MYO5B: variants seen among roughly 807,000 people sequenced by gnomAD.
MYO5B encodes unconventional myosin-Vb.
Under a neutral mutation model 229.3 loss-of-function variants are expected in MYO5B, and 143 were observed. The ratio of observed to expected loss-of-function variants is 0.62; its 90% CI spans 0.54 to 0.72. The LOEUF (loss-of-function observed/expected upper bound fraction) is 0.72. MYO5B is among the 30% of genes least tolerant of loss of function. The probability of loss-of-function intolerance (pLI) is 0.00; values close to 1 mark genes in which losing one functional copy is unlikely to be tolerated. For synonymous variants in MYO5B, 918 were observed against 885.2 expected, an observed-to-expected ratio of 1.04 and a Z score of -0.66; for missense variants, 2,321 against 2,331.0, an observed-to-expected ratio of 1.00 and a Z score of 0.09.
intron 1 of MYO5B, among the ~76,000 whole-genome samples, chr18:50,169,122 T>C (rs1244115564): frequency 8.1e-6 from 1 of 123,568 alleles, no homozygotes; most frequent in Non-Finnish European, 1.7e-5. Context: ...CTGGGCAGCA[T>C]AGGGAGGCCC....
At chr18:50,082,449 T>G (rs1324943167) in intron 1 of MYO5B, among the ~76,000 whole-genome samples, 2 of 152,230 alleles carry the variant, frequency 1.3e-5, no homozygotes, top group Non-Finnish European at 2.9e-5. Context: ...TCCATGTTAT[T>G]AGGAGCTATC....
intron 20 of MYO5B, among the ~76,000 whole-genome samples, chr18:49,904,181 T>C (rs1170126820): frequency 6.6e-6 from 1 of 152,222 alleles, no homozygotes; most frequent in East Asian, 1.9e-4. Context: ...ACAGGAGATG[T>C]TTGAGTCATA....
rs556141097 is a variant in MYO5B at position 49,895,105 on chromosome 18, G to A, written c.2881C>T (p.Arg961Trp). Reference protein sequence around the residue: ...TTSTYTMEVERLKKELVHYQQ... With the variant: ...TTSTYTMEVEWLKKELVHYQQ... The stretch of plus-strand genomic sequence containing the variant: ...TAGTGCACCAGCTCCTTCTTCAGCC[G>A]CTCTACCTCCATGGTGTATGTTGAG... The change falls in exon 22 of 40, where the codon CGG becomes TGG. Residue 961 changes from arginine to tryptophan, a missense_variant. This residue lies in a region of MYO5B where 2,113 missense variants were observed against 2,044.7 expected (regional missense o/e 1.03). Coordinates refer to ENST00000285039, the MANE Select transcript of MYO5B (RefSeq NM_001080467.3). 93 of 1,614,154 alleles carry A rather than the reference G, an allele frequency of 5.8e-5. No individual in the cohort carries two copies. In the East Asian group the frequency reaches 7.6e-4, roughly 13 times the overall value.
chr18:49,842,462 G>C (rs1237645430), intron 34 of MYO5B, among the ~76,000 whole-genome samples: 1 of 152,250 alleles, frequency 6.6e-6, no homozygotes, highest in Non-Finnish European at 1.5e-5. Flanking sequence ...GAGCTTTTGA[G>C]AATGGCTTGT....
intron 27 of MYO5B, 29 bp downstream of exon 27, chr18:49,872,138 C>T: frequency 6.2e-7 from 1 of 1,610,878 alleles, no homozygotes; most frequent in Non-Finnish European, 8.5e-7. Flanking sequence ...GGGGAGTGTT[C>T]CAGGAAGCCT....
intron 24 of MYO5B, among the ~76,000 whole-genome samples, 191 bp downstream of exon 24, chr18:49,878,754 A>C (rs2024554036): frequency 6.6e-6 from 1 of 152,208 alleles, no homozygotes; most frequent in Admixed American, 6.5e-5. Flanking sequence ...CAAAGTTGGA[A>C]AAGGAGCTGT....
intron 1 of MYO5B, among the ~76,000 whole-genome samples, chr18:50,173,762 G>C (rs572875654): frequency 6.6e-6 from 1 of 152,258 alleles, no homozygotes; most frequent in African/African-American, 2.4e-5. Context: ...AACAGGAATA[G>C]CAACATACAA....
In MYO5B at chr18:49,872,205, A is replaced by G; in HGVS notation, c.3565T>C (p.Leu1189=). ...QAEPPQTDID[L]DPNADLAYNS... ...TAGGCCAGATCTGCATTCGGGTCCA[A>G]ATCTATGTCAGTCTGTGGTGGTTCC... The change falls in exon 27 of 40, where the codon TTG becomes CTG. Residue 1189 remains leucine, a synonymous_variant. Transcript: ENST00000285039. 6.2e-7 allele frequency: 1 copy of G among 1,614,106 alleles called. No individual in the cohort carries two copies. Among genetic ancestry groups the G allele is most frequent in the Non-Finnish European group, 8.5e-7 (1 of 1,179,990 alleles).
intron 10 of MYO5B, among the ~76,000 whole-genome samples, chr18:49,972,121 T>C (rs552310213): frequency 2.0e-5 from 3 of 152,264 alleles, no homozygotes; most frequent in Admixed American, 6.5e-5. Flanking sequence ...GAGCTGGCAC[T>C]AGGAACAGGA....
At chr18:49,931,264 C>G (rs149178281) in intron 16 of MYO5B, among the ~76,000 whole-genome samples, 1 of 152,198 alleles carries the variant, frequency 6.6e-6, no homozygotes, top group Non-Finnish European at 1.5e-5. Flanking sequence ...CCAGGCAACA[C>G]TCCACGTTGC....
At chr18:49,952,698 G>A (rs2025442741) in intron 14 of MYO5B, among the ~76,000 whole-genome samples, 1 of 152,012 alleles carries the variant, frequency 6.6e-6, no homozygotes, top group Non-Finnish European at 1.5e-5. Flanking sequence ...TCCTATGCTT[G>A]GAAATAAATG....
intron 39 of MYO5B, among the ~76,000 whole-genome samples, chr18:49,832,282 G>C (rs975093002): frequency 6.6e-6 from 1 of 152,184 alleles, no homozygotes; most frequent in Non-Finnish European, 1.5e-5. Flanking sequence ...CAGGTGTAAA[G>C]AACACAGAGT....
At chr18:49,924,196 C>G (rs1370543545) in intron 17 of MYO5B, among the ~76,000 whole-genome samples, 1 of 152,140 alleles carries the variant, frequency 6.6e-6, no homozygotes, top group Non-Finnish European at 1.5e-5. Flanking sequence ...CCAGAAAGTT[C>G]TGAGATAGAC....
rs1214513414 is a variant in MYO5B at position 49,826,180 on chromosome 18, C to G, written c.*291G>C. 6 of 396,036 alleles carry G rather than the reference C, an allele frequency of 1.5e-5. No homozygotes were observed. The East Asian group carries it at 2.7e-4, about 18-fold the overall frequency. The allele number at this position is 396,036 out of a possible 1,614,324, so 24.5% of individuals were successfully genotyped here. A position where few individuals can be genotyped will look rare whatever the true frequency, so the allele number is the denominator to read the frequency against. On this transcript the variant is annotated 3_prime_UTR_variant, in exon 40 of 40. Coordinates refer to ENST00000285039, the MANE Select transcript of MYO5B (RefSeq NM_001080467.3). The stretch of plus-strand genomic sequence containing the variant: ...GCAGCTTCGTTTTATAGAATTGACA[C>G]CTTTTATATGTCTATGGGGACTGCT...
chr18:50,122,596 GA>G (rs2032079605), intron 1 of MYO5B, among the ~76,000 whole-genome samples: 1 of 74,004 alleles, frequency 1.4e-5, no homozygotes, highest in African/African-American at 4.4e-5. Flanking sequence ...AAGAGAGGGG[GA>G]GAGAGAGAGA....
intron 15 of MYO5B, among the ~76,000 whole-genome samples, chr18:49,936,949 G>C (rs1309902985): frequency 6.6e-6 from 1 of 152,082 alleles, no homozygotes; most frequent in African/African-American, 2.4e-5. Flanking sequence ...ATAAATTCCA[G>C]GCCCTCTTGC....
intron 1 of MYO5B, among the ~76,000 whole-genome samples, chr18:50,153,271 G>T (rs891930496): frequency 6.6e-6 from 1 of 152,164 alleles, no homozygotes; most frequent in African/African-American, 2.4e-5. Flanking sequence ...AAAGGCATAA[G>T]ACTTCAGTGC....
chr18:50,006,593 C>A (rs958366023), intron 4 of MYO5B, among the ~76,000 whole-genome samples: 5 of 152,152 alleles, frequency 3.3e-5, no homozygotes, highest in Admixed American at 3.3e-4. Flanking sequence ...TTCACACTGG[C>A]CCCCCCTTCT....
At chr18:50,150,006 T>C (rs1446289328) in intron 1 of MYO5B, among the ~76,000 whole-genome samples, 2 of 148,344 alleles carry the variant, frequency 1.3e-5, no homozygotes, top group African/African-American at 2.5e-5. Flanking sequence ...AACAACCCCA[T>C]CAAAAAGTGG....
Sources: gnomAD v4.1 joint callset for allele counts (sites outside exome capture counted in the v4.1 genomes callset) on GRCh38, gnomAD v4.1.1 for gene constraint, gnomAD v4.1.1 regional missense constraint, MANE v1.5 for transcripts, NCBI Gene and HGNC (gene_info 2026-07-23, HGNC 2026-07-21) for gene names.